CDH12: variants seen among roughly 807,000 people sequenced by gnomAD.
CDH12 encodes the protein cadherin-12.
Under a neutral mutation model 74.1 loss-of-function variants are expected in CDH12, and 41 were observed. The observed-to-expected ratio is 0.55, with a 90% CI of 0.43 to 0.72. CDH12 has a LOEUF of 0.72. Among genes scored for constraint, CDH12 ranks in the 30% least tolerant of loss-of-function variants. The pLI is 0.00. For synonymous variants in CDH12, 399 were observed against 355.0 expected (o/e 1.12, Z -1.39); for missense variants, 945 against 977.2 (o/e 0.97, Z 0.44).
chr5:22,003,365 A>G (rs1736720583), intron 5 of CDH12, among the ~76,000 whole-genome samples: 1 of 152,206 alleles, frequency 6.6e-6, no homozygotes, highest in Non-Finnish European at 1.5e-5. Context: ...AGCAACTGAA[A>G]TGATCTTAAA....
Position 22,735,097 on chromosome 5 carries a change from T to C in CDH12, c.-523+117961A>G, listed in dbSNP as rs186201634. 4.9e-4 allele frequency among the ~76,000 whole-genome samples: 74 copies of C among 152,046 alleles called. 1 individual carries two copies. Among genetic ancestry groups the C allele is most frequent in the Non-Finnish European group, 6.6e-4 (45 of 67,890 alleles). Reference sequence around the variant, plus strand: ...TCTGCAATTTATAAGTTGTGTGACCTTGAAGAAATATGTGATCTCTTCTGA... The same window carrying C: ...TCTGCAATTTATAAGTTGTGTGACCCTGAAGAAATATGTGATCTCTTCTGA... On this transcript the variant is annotated intron_variant, in intron 1 of 14. Coordinates refer to ENST00000382254, the MANE Select transcript of CDH12 (RefSeq NM_004061.5).
intron 5 of CDH12, among the ~76,000 whole-genome samples, chr5:22,064,544 C>G (rs746366819): frequency 4.6e-5 from 7 of 152,098 alleles, no homozygotes; most frequent in Non-Finnish European, 1.0e-4. Context: ...ACCAATAGTC[C>G]TTGGTGTGAC....
intron 1 of CDH12, among the ~76,000 whole-genome samples, chr5:22,771,004 T>C (rs76243134): frequency 0.021 from 3,132 of 152,252 alleles, 90 homozygotes; most frequent in African/African-American, 0.072. Flanking sequence ...AAAAATTATC[T>C]AAGTTCAAAC....
chr5:22,163,670 A>C (rs1176129064), intron 4 of CDH12, among the ~76,000 whole-genome samples: 1 of 152,194 alleles, frequency 6.6e-6, no homozygotes, highest in Non-Finnish European at 1.5e-5. Flanking sequence ...TCTTGCCTGA[A>C]GTATTGCCAT....
intron 1 of CDH12, among the ~76,000 whole-genome samples, chr5:22,800,733 G>A (rs1201466798): frequency 1.3e-5 from 2 of 151,954 alleles, no homozygotes; most frequent in East Asian, 3.9e-4. Flanking sequence ...GGCAACCACT[G>A]AACTTTTTAT....
chr5:22,200,673 G>A (rs990475465), intron 4 of CDH12, among the ~76,000 whole-genome samples: 2 of 152,132 alleles, frequency 1.3e-5, no homozygotes, highest in Non-Finnish European at 2.9e-5. Flanking sequence ...ATTTCATCAA[G>A]GGGACGTAGG....
chr5:22,167,353 T>C lies in CDH12; in HGVS notation c.-187+45145A>G, dbSNP rs181862938. On this transcript the variant is annotated intron_variant, in intron 4 of 14. Transcript: ENST00000382254. ...GCTGAAAGAAAGATACCCCAGGGAA[T>C]TGGAATGACCTTACTCTGCCAAACC... 3.8e-3 allele frequency among the ~76,000 whole-genome samples: 578 copies of C among 152,318 alleles called. 6 individuals are homozygous for C. Among genetic ancestry groups the C allele is most frequent in the African/African-American group, 0.013 (542 of 41,576 alleles).
At chr5:21,962,418 C>G (rs780594154) in intron 6 of CDH12, among the ~76,000 whole-genome samples, 1 of 152,128 alleles carries the variant, frequency 6.6e-6, no homozygotes, top group South Asian at 2.1e-4. Context: ...CAACAATGTT[C>G]ATTACTGAAA....
intron 1 of CDH12, among the ~76,000 whole-genome samples, chr5:22,635,751 T>A (rs1254875132): frequency 6.6e-6 from 1 of 151,938 alleles, no homozygotes; most frequent in Non-Finnish European, 1.5e-5. Context: ...TCGTCTCTAC[T>A]GAAAATACAA....
intron 10 of CDH12, among the ~76,000 whole-genome samples, chr5:21,791,208 T>C (rs1309293460): frequency 6.6e-6 from 1 of 152,096 alleles, no homozygotes; most frequent in African/African-American, 2.4e-5. Flanking sequence ...CTAAAACCTG[T>C]GCCTGACTAA....
chr5:22,600,272 G>C (rs1321736604), intron 1 of CDH12, among the ~76,000 whole-genome samples: 3 of 152,094 alleles, frequency 2.0e-5, no homozygotes, highest in Non-Finnish European at 2.9e-5. Context: ...TCTTAGTTTT[G>C]ATGTTGCTGT....
intron 1 of CDH12, among the ~76,000 whole-genome samples, chr5:22,581,693 C>T (rs563334731): frequency 5.6e-4 from 85 of 152,270 alleles, no homozygotes; most frequent in African/African-American, 2.0e-3. Context: ...TGACAGCTTA[C>T]ACATGAGCCT....
At chr5:22,502,444 A>C (rs1736213221) in intron 2 of CDH12, among the ~76,000 whole-genome samples, 1 of 152,142 alleles carries the variant, frequency 6.6e-6, no homozygotes, top group African/African-American at 2.4e-5. Context: ...CGTCTTTATT[A>C]GCAGCGTGAG....
chr5:21,825,157 A>C (rs1748598148), intron 8 of CDH12, among the ~76,000 whole-genome samples: 1 of 151,570 alleles, frequency 6.6e-6, no homozygotes, highest in African/African-American at 2.4e-5. Flanking sequence ...TATCTCAAAA[A>C]AAAAAAAAAA....
intron 1 of CDH12, among the ~76,000 whole-genome samples, chr5:22,667,823 A>G (rs2126908379): frequency 6.6e-6 from 1 of 152,352 alleles, no homozygotes; most frequent in Non-Finnish European, 1.5e-5. Flanking sequence ...CATATTGACA[A>G]TAATCACTGC....
chr5:22,347,904 G>A (rs1234452033), intron 3 of CDH12, among the ~76,000 whole-genome samples: 1 of 152,120 alleles, frequency 6.6e-6, no homozygotes, highest in Non-Finnish European at 1.5e-5. Flanking sequence ...TTCTCCTGAG[G>A]TGGAGATTAT....
intron 11 of CDH12, among the ~76,000 whole-genome samples, chr5:21,769,341 AC>A (rs1554028243): frequency 6.6e-6 from 1 of 152,104 alleles, no homozygotes; most frequent in Non-Finnish European, 1.5e-5. Flanking sequence ...GATGACATGA[AC>A]CTGTAGATGG....
chr5:22,342,140 T>A (rs1739879982), intron 3 of CDH12, among the ~76,000 whole-genome samples: 2 of 152,046 alleles, frequency 1.3e-5, no homozygotes, highest in Non-Finnish European at 2.9e-5. Context: ...TTAATCCCAT[T>A]ATGAGGCCTC....
At chr5:22,802,047 G>C (rs1380996178) in intron 1 of CDH12, among the ~76,000 whole-genome samples, 1 of 149,560 alleles carries the variant, frequency 6.7e-6, no homozygotes, top group African/African-American at 2.5e-5. Flanking sequence ...GCCTAAAATT[G>C]TTTCTCCCAA....
Sources: gnomAD v4.1 joint callset for allele counts (sites outside exome capture counted in the v4.1 genomes callset) on GRCh38, gnomAD v4.1.1 for gene constraint, MANE v1.5 for transcripts, NCBI Gene and HGNC (gene_info 2026-07-23, HGNC 2026-07-21) for gene names.